Variants in EPS8 observed in about 807,000 individuals in gnomAD.
EPS8 encodes epidermal growth factor receptor kinase substrate 8.
EPS8 carries 42 observed loss-of-function variants against 103.8 expected under a neutral mutation model. The ratio of observed to expected loss-of-function variants is 0.40; its 90% confidence interval spans 0.32 to 0.52. The LOEUF is 0.52. EPS8 is among the 20% of genes least tolerant of loss of function. The pLI is 0.40. For missense variants in EPS8, 969 were observed against 1,005.1 expected (o/e 0.96, Z 0.49); for synonymous variants, 344 against 344.6 (o/e 1.00, Z 0.02).
In EPS8 at chr12:15,712,501, T is replaced by C. The variant is rs547163869; in HGVS notation, c.-21-29529A>G. 1.1e-4 allele frequency among the ~76,000 whole-genome samples: 17 copies of C among 152,356 alleles called. No individual in the cohort carries two copies. The South Asian group carries it at 3.3e-3, about 30-fold the overall frequency. ...AATTTTTTAAACATTTCGTATATTA[T>C]GCCCATGGATTCCCAATCTGTAATA... On this transcript the variant is annotated intron_variant, in intron 1 of 20. Coordinates refer to ENST00000281172, the MANE Select transcript of EPS8 (RefSeq NM_004447.6).
intron 6 of EPS8, among the ~76,000 whole-genome samples, chr12:15,667,276 C>T (rs1008559564): frequency 2.0e-5 from 3 of 152,026 alleles, no homozygotes; most frequent in African/African-American, 4.8e-5. Flanking sequence ...CAGTAAGCAT[C>T]GATAATCATA....
In EPS8 at chr12:15,764,929, C is replaced by G. The variant is rs189088775; in HGVS notation, c.-22+24232G>C. Among the ~76,000 whole-genome samples the G allele has an allele frequency of 4.1e-4, 62 of 152,134 alleles. No individual in the cohort carries two copies. Among genetic ancestry groups the G allele is most frequent in the Non-Finnish European group, 1.5e-4 (10 of 68,008 alleles). ...CAAGTACAATATCACTCTCCAAAAA[C>G]AGAAGACCATTAATCATTTTCCATT... On this transcript the variant is annotated intron_variant, in intron 1 of 20. Coordinates refer to ENST00000281172, the MANE Select transcript of EPS8 (RefSeq NM_004447.6). This position sits in a 1 kb window ranked among gnomAD's most constrained non-coding sequence, Gnocchi z 4.1.
chr12:15,744,897 G>A (rs141942576), intron 1 of EPS8, among the ~76,000 whole-genome samples: 301 of 151,304 alleles, frequency 2.0e-3, no homozygotes, highest in Non-Finnish European at 3.7e-3. Context: ...TTTTTTTTGA[G>A]ACAGACTCTC....
chr12:15,727,374 C>T lies in EPS8; in HGVS notation c.-21-44402G>A, dbSNP rs11056604. Among the ~76,000 whole-genome samples, 1,870 of 152,276 alleles carry T rather than the reference C, an allele frequency of 0.012. 30 individuals carry two copies. Among genetic ancestry groups the T allele is most frequent in the African/African-American group, 0.037 (1,543 of 41,540 alleles). The stretch of plus-strand genomic sequence containing the variant: ...TTTCTAAATCAACAACTCATTTTAT[C>T]ATCCCAAATTCATTGTTTTACTTGT... On this transcript the variant is annotated intron_variant, in intron 1 of 20. Transcript: ENST00000281172. This position sits in a 1 kb window ranked among gnomAD's most constrained non-coding sequence, Gnocchi z 4.3.
rs953871713 is a variant in EPS8, at chr12:15,745,407, C to T, written c.-22+43754G>A. On this transcript the variant is annotated intron_variant, in intron 1 of 20. Coordinates refer to ENST00000281172, the MANE Select transcript of EPS8 (RefSeq NM_004447.6). The surrounding 1 kb of genome is among the most constrained non-coding windows in gnomAD (Gnocchi z 4.6). The stretch of plus-strand genomic sequence containing the variant: ...TATCATTACACTCTTTAATGCCAAG[C>T]TGAACCCAAAGATGTGGGAATTCTC... Among the ~76,000 whole-genome samples the T allele has an allele frequency of 2.0e-5, 3 of 152,122 alleles. No homozygotes were observed. The highest frequency in any genetic ancestry group is 4.4e-5 in the Non-Finnish European group (3 of 68,020).
chr12:15,682,802 G>A (rs944048156), intron 2 of EPS8, 91 bp downstream of exon 2: 17 of 718,948 alleles, frequency 2.4e-5, no homozygotes, highest in Non-Finnish European at 2.6e-5. Context: ...ACTACACAAC[G>A]AAAGTAATCT....
At chr12:15,740,013 A>C (rs1401691344) in intron 1 of EPS8, among the ~76,000 whole-genome samples, 1 of 152,170 alleles carries the variant, frequency 6.6e-6, no homozygotes, top group Admixed American at 6.6e-5. Flanking sequence ...AGGAATACAG[A>C]GAATACTAAC....
At chr12:15,755,114 G>C (rs923296425) in intron 1 of EPS8, among the ~76,000 whole-genome samples, 1 of 152,110 alleles carries the variant, frequency 6.6e-6, no homozygotes, top group Non-Finnish European at 1.5e-5. Flanking sequence ...ATCTACCAAA[G>C]GTGAGTATAG....
At chr12:15,668,692 A>C (rs971754614) in intron 6 of EPS8, among the ~76,000 whole-genome samples, 6 of 152,346 alleles carry the variant, frequency 3.9e-5, no homozygotes, top group African/African-American at 1.4e-4. Flanking sequence ...TAAATGGTGA[A>C]CTTTAAATCA....
At chr12:15,691,602 A>G (rs1946173111) in intron 1 of EPS8, among the ~76,000 whole-genome samples, 1 of 152,178 alleles carries the variant, frequency 6.6e-6, no homozygotes, top group African/African-American at 2.4e-5. Context: ...GCAAAAGAGA[A>G]GAGCAAAGGC....
chr12:15,665,968 C>T, intron 7 of EPS8, 76 bp from the exon 8 acceptor site: 1 of 1,448,996 alleles, frequency 6.9e-7, no homozygotes, highest in African/African-American at 1.4e-5. Context: ...ACTTGTGGTA[C>T]TAGTTATTAA....
intron 2 of EPS8, among the ~76,000 whole-genome samples, chr12:15,681,867 AT>A (rs1217774589): frequency 6.6e-6 from 1 of 151,678 alleles, no homozygotes; most frequent in African/African-American, 2.4e-5. Flanking sequence ...AATTTTACTC[AT>A]TTTTTCAGTG....
chr12:15,786,973 T>G (rs1044707881), intron 1 of EPS8, among the ~76,000 whole-genome samples: 1 of 152,148 alleles, frequency 6.6e-6, no homozygotes, highest in African/African-American at 2.4e-5. Context: ...TATGTTGTTT[T>G]GTGATGATCC....
At position 15,772,114 on chromosome 12, in the gene EPS8, C is replaced by T. The variant is rs1256970831; in HGVS notation, c.-22+17047G>A. On this transcript the variant is annotated intron_variant, in intron 1 of 20. Transcript: ENST00000281172. This position sits in a 1 kb window ranked among gnomAD's most constrained non-coding sequence, Gnocchi z 5.0. Reference sequence around the variant, plus strand: ...ACGGAAGAGGAGAGTGCTCTATCAGCCATTTGCTGACTCAAAAAGATTTAA... The same window carrying T: ...ACGGAAGAGGAGAGTGCTCTATCAGTCATTTGCTGACTCAAAAAGATTTAA... 1.3e-5 allele frequency among the ~76,000 whole-genome samples: 2 copies of T among 151,998 alleles called. No individual in the cohort carries two copies. The highest frequency in any genetic ancestry group is 2.9e-5 in the Non-Finnish European group (2 of 68,014).
chr12:15,755,063 A>G (rs991861732), intron 1 of EPS8, among the ~76,000 whole-genome samples: 3 of 152,296 alleles, frequency 2.0e-5, no homozygotes, highest in African/African-American at 7.2e-5. Flanking sequence ...GCTTGATCCT[A>G]GTGGTTAGAG....
rs145865443 is a variant in EPS8 at position 15,716,761 on chromosome 12, C to T, written c.-21-33789G>A. Among the ~76,000 whole-genome samples the T allele has an allele frequency of 1.3e-3, 204 of 152,216 alleles. 5 individuals carry two copies. The East Asian group carries it at 0.037, about 28-fold the overall frequency. On this transcript the variant is annotated intron_variant, in intron 1 of 20. Coordinates refer to ENST00000281172, the MANE Select transcript of EPS8 (RefSeq NM_004447.6). This position sits in a 1 kb window ranked among gnomAD's most constrained non-coding sequence, Gnocchi z 5.0. ...CATCAGATCCAAAATGATGTGAGGTCACTTACATAAATTGTTAGGACAACC... is the reference window on the plus strand; with the variant it reads ...CATCAGATCCAAAATGATGTGAGGTTACTTACATAAATTGTTAGGACAACC...
At chr12:15,643,277 T>C (rs1320909389) in intron 15 of EPS8, among the ~76,000 whole-genome samples, 1 of 152,156 alleles carries the variant, frequency 6.6e-6, no homozygotes, top group Non-Finnish European at 1.5e-5. Flanking sequence ...TAAGGGTCTA[T>C]AACAAATTTT....
At chr12:15,754,475 A>G (rs1407188500) in intron 1 of EPS8, among the ~76,000 whole-genome samples, 3 of 152,160 alleles carry the variant, frequency 2.0e-5, no homozygotes, top group East Asian at 1.9e-4. Context: ...TGTTTTATTT[A>G]GTAGCTGATC....
At chr12:15,753,937 G>A (rs1382918970) in intron 1 of EPS8, among the ~76,000 whole-genome samples, 1 of 152,206 alleles carries the variant, frequency 6.6e-6, no homozygotes, top group Non-Finnish European at 1.5e-5. Context: ...GCAAGGAAAG[G>A]GACAGCTGGG....
Sources: allele counts gnomAD v4.1 joint callset (sites outside exome capture counted in the v4.1 genomes callset), GRCh38; gene constraint gnomAD v4.1.1; non-coding constraint Gnocchi (gnomAD v3.1); transcripts MANE v1.5; gene names NCBI Gene and HGNC (gene_info 2026-07-23, HGNC 2026-07-21).